ATRAID: variants seen among roughly 807,000 people sequenced by gnomAD.
ATRAID encodes the protein all-trans retinoic acid-induced differentiation factor.
Under a neutral mutation model 28.8 loss-of-function variants are expected in ATRAID, and 26 were observed. That is an observed-to-expected ratio of 0.90 (90% CI 0.66 to 1.25). The LOEUF is 1.25. ATRAID is among the 50% of genes most tolerant of loss of function. The pLI is 0.00. For synonymous variants in ATRAID, 131 were observed against 108.5 expected (o/e 1.21, Z -1.29); for missense variants, 308 against 285.9 (o/e 1.08, Z -0.56).
intron 6 of ATRAID, 28 bp downstream of exon 6, chr2:27,216,648 A>C (rs1235369532): frequency 6.3e-7 from 1 of 1,578,726 alleles, no homozygotes; most frequent in Non-Finnish European, 8.7e-7. Flanking sequence ...CTAACTAGGG[A>C]TACAAGGAAT....
intron 1 of ATRAID, 119 bp downstream of exon 1, chr2:27,212,586 C>T (rs1026448265): frequency 6.9e-7 from 1 of 1,455,116 alleles, no homozygotes; most frequent in African/African-American, 1.5e-5. Flanking sequence ...GTCCCTGACG[C>T]TTCCCGACCC....
chr2:27,212,382 A>T lies in ATRAID; in HGVS notation c.14A>T (p.Asp5Val), dbSNP rs1275533. MAPH[D>V]PGSLTTLVPW... The stretch of plus-strand genomic sequence containing the variant: ...AGGGAACGGAAAATGGCGCCTCACG[A>T]CCCGGGTAGTCTTACGACCCTGGTG... Residue 5 changes from aspartate to valine, a missense_variant, in exon 1 of 7, where the codon GAC becomes GTC. Asp to Val is a radical substitution (Grantham distance 152). Transcript: ENST00000380171. 1.3e-6 allele frequency: 2 copies of T among 1,550,494 alleles called. No individual in the cohort carries two copies. Among genetic ancestry groups the T allele is most frequent in the South Asian group, 1.2e-5 (1 of 84,036 alleles).
intron 5 of ATRAID, 124 bp downstream of exon 5, chr2:27,215,877 T>C (rs898665589): frequency 1.5e-6 from 2 of 1,303,142 alleles, no homozygotes; most frequent in Non-Finnish European, 2.1e-6. Context: ...ATAACCCCTT[T>C]GAAAGAAAAG....
chr2:27,216,800 C>T (rs1319788433), intron 6 of ATRAID, 44 bp from the exon 7 acceptor site: 1 of 1,543,044 alleles, frequency 6.5e-7, no homozygotes, highest in Non-Finnish European at 9.0e-7. Context: ...TGTGGCCCTC[C>T]GTGTAACGTT....
downstream of ATRAID, chr2:27,217,171 C>T: frequency 1.9e-6 from 1 of 526,590 alleles, no homozygotes; most frequent in Non-Finnish European, 3.3e-6. Context: ...TCCTCTCTTT[C>T]TTTTTAAGGA....
At chr2:27,216,766 T>C (rs1558522800) in intron 6 of ATRAID, 78 bp from the exon 7 acceptor site, 4 of 1,453,822 alleles carry the variant, frequency 2.8e-6, no homozygotes, top group Admixed American at 3.5e-5. Flanking sequence ...GATAGGTATA[T>C]TAGGAAAGAA....
At position 27,215,357 on chromosome 2, in the gene ATRAID, T is replaced by C; in HGVS notation, c.258T>C (p.Gly86=). The change falls in exon 3 of 7, where the codon GGT becomes GGC. Residue 86 remains glycine, a synonymous_variant. Transcript: ENST00000380171. The part of the protein sequence containing the change: ...DLQNCSLEDP[G]PNFHQAHTTV... The stretch of plus-strand genomic sequence containing the variant: ...AGAACTGTTCTCTGGAGGACCCTGG[T>C]CCAAACTTTCATCAGGCACATACCA... The C allele has an allele frequency of 1.2e-6, 2 of 1,614,190 alleles. No homozygotes were observed. Among genetic ancestry groups the C allele is most frequent in the Non-Finnish European group, 1.7e-6 (2 of 1,180,032 alleles).
intron 2 of ATRAID, 116 bp downstream of exon 2, chr2:27,213,414 G>A (rs1197775588): frequency 7.6e-6 from 10 of 1,322,510 alleles, no homozygotes; most frequent in African/African-American, 3.0e-5. Flanking sequence ...TAATCATCAC[G>A]CAGATGTCTA....
rs7601452 is a variant in ATRAID at position 27,216,486 on chromosome 2, G to A, written c.488-37G>A. On this transcript the variant is annotated intron_variant, in intron 5 of 6. Transcript: ENST00000380171. ...ATTGAGAAATATGCCTAATGAAATGGATAAAGTGATGTTCTCTATTTCTCT... is the reference window on the plus strand; with the variant it reads ...ATTGAGAAATATGCCTAATGAAATGAATAAAGTGATGTTCTCTATTTCTCT... The A allele has an allele frequency of 0.026, 37,212 of 1,454,294 alleles. 2,868 individuals are homozygous for A. The African/African-American group carries it at 0.27, about 11-fold the overall frequency. The allele number at this position is 1,454,294 out of a possible 1,614,324, so 90.1% of individuals were successfully genotyped here. A position where few individuals can be genotyped will look rare whatever the true frequency, so the allele number is the denominator to read the frequency against.
chr2:27,212,244 C>G lies in ATRAID; in HGVS notation c.-125C>G. 6.4e-7 allele frequency: 1 copy of G among 1,560,940 alleles called. No individual in the cohort carries two copies. Among genetic ancestry groups the G allele is most frequent in the Non-Finnish European group, 8.7e-7 (1 of 1,153,090 alleles). ...GAGCTCCACGAGCAGGAAAAGCCCC[C>G]AAGCAGCCCCAGGGCGACTGGACCG... On this transcript the variant is annotated 5_prime_UTR_variant, in exon 1 of 7. Coordinates refer to ENST00000380171, the MANE Select transcript of ATRAID (RefSeq NM_001170795.4).
In ATRAID at chr2:27,216,887, C is replaced by G; in HGVS notation, c.629C>G (p.Thr210Ser). The G allele has an allele frequency of 6.2e-7, 1 of 1,614,196 alleles. No individual in the cohort carries two copies. The highest frequency in any genetic ancestry group is 8.5e-7 in the Non-Finnish European group (1 of 1,180,030). The stretch of plus-strand genomic sequence containing the variant: ...ATGTTCTTCGGGATTCTGGGAGCCA[C>G]CACTCTATCCGTCTCCATTCTGCTT... Reference protein sequence around the residue: ...LLMFFGILGATTLSVSILLWA... With the variant: ...LLMFFGILGASTLSVSILLWA... Residue 210 changes from threonine (T) to serine (S), a missense_variant, in exon 7 of 7, where the codon ACC becomes AGC. Physicochemically the swap from Thr to Ser is moderately conservative, Grantham distance 58. Coordinates refer to ENST00000380171, the MANE Select transcript of ATRAID (RefSeq NM_001170795.4).
chr2:27,212,170 G>A lies in ATRAID; in HGVS notation c.-199G>A, dbSNP rs376975254. 87 of 1,536,640 alleles carry A rather than the reference G, an allele frequency of 5.7e-5. 1 individual carries two copies. In the African/African-American group the frequency reaches 1.0e-3, roughly 18 times the overall value. ...CACTAAAGGGGAAAAGGAAGAGGGGGTCGGCCAGTATCCCCGAAAGAGGGC... is the reference window on the plus strand; with the variant it reads ...CACTAAAGGGGAAAAGGAAGAGGGGATCGGCCAGTATCCCCGAAAGAGGGC... On this transcript the variant is annotated 5_prime_UTR_variant, in exon 1 of 7. Coordinates refer to ENST00000380171, the MANE Select transcript of ATRAID (RefSeq NM_001170795.4).
chr2:27,216,444 C>A, intron 5 of ATRAID, 79 bp from the exon 6 acceptor site: 2 of 1,117,468 alleles, frequency 1.8e-6, no homozygotes, highest in Non-Finnish European at 2.7e-6. Flanking sequence ...TTGAGAGAAT[C>A]TAAGTTGAAA....
In ATRAID at chr2:27,216,469, A is replaced by G. The variant is rs1572414276; in HGVS notation, c.488-54A>G. On this transcript the variant is annotated intron_variant, in intron 5 of 6. Transcript: ENST00000380171. ...CTAAGTTGAAACAGATAATTGAGAA[A>G]TATGCCTAATGAAATGGATAAAGTG... 9 of 1,325,286 alleles carry G rather than the reference A, an allele frequency of 6.8e-6. No individual in the cohort carries two copies. In the East Asian group the frequency reaches 1.8e-4, roughly 27 times the overall value. The allele number at this position is 1,325,286 out of a possible 1,614,324, so 82.1% of individuals were successfully genotyped here.
In ATRAID at chr2:27,215,366, T is replaced by C. The variant is rs1480198311; in HGVS notation, c.267T>C (p.Phe89=). The C allele has an allele frequency of 6.2e-7, 1 of 1,614,064 alleles. No homozygotes were observed. Among genetic ancestry groups the C allele is most frequent in the African/African-American group, 1.3e-5 (1 of 74,924 alleles). Residue 89 remains phenylalanine, a synonymous_variant, in exon 3 of 7, where the codon TTT becomes TTC. Transcript: ENST00000380171. ...CTCTGGAGGACCCTGGTCCAAACTT[T>C]CATCAGGCACATACCACTGTCATCA... is the stretch of plus-strand genomic sequence containing the variant. ...NCSLEDPGPN[F]HQAHTTVIID...
chr2:27,217,161 TC>T, downstream of ATRAID: 2 of 531,668 alleles, frequency 3.8e-6, no homozygotes, highest in Non-Finnish European at 6.5e-6. Context: ...TCTTTTTTTT[TC>T]CTCTCTTTCT....
Position 27,217,107 on chromosome 2 carries a change from A to G in ATRAID, c.*159A>G. The G allele has an allele frequency of 1.7e-6, 1 of 595,284 alleles. No homozygotes were observed. Among genetic ancestry groups the G allele is most frequent in the Non-Finnish European group, 2.9e-6 (1 of 343,540 alleles). The allele number at this position is 595,284 out of a possible 1,614,324, so 36.9% of individuals were successfully genotyped here. A position where few individuals can be genotyped will look rare whatever the true frequency, so the allele number is the denominator to read the frequency against. On this transcript the variant is annotated 3_prime_UTR_variant, in exon 7 of 7. Transcript: ENST00000380171. ...AATTGCACTCCCTTGGTGTAGACAA[A>G]TACCAGTTCCCATTGGTGTTGTTGC...
chr2:27,215,793 T>C, intron 5 of ATRAID, 40 bp downstream of exon 5: 1 of 1,605,442 alleles, frequency 6.2e-7, no homozygotes, highest in South Asian at 1.1e-5. Flanking sequence ...AATTGTCTTT[T>C]CTCCCTTGTA....
chr2:27,213,253 T>G lies in ATRAID; in HGVS notation c.176T>G (p.Met59Arg), dbSNP rs779983796. 6.2e-7 allele frequency: 1 copy of G among 1,614,238 alleles called. No individual in the cohort carries two copies. Among genetic ancestry groups the G allele is most frequent in the South Asian group, 1.1e-5 (1 of 91,082 alleles). ...AFYCKTTREL[M>R]LHARCCLNQK... ...TATTGTAAAACGACACGAGAGCTAA[T>G]GCTGCATGCCCGTTGCTGCCTGAAT... The change falls in exon 2 of 7, where the codon ATG becomes AGG. Residue 59 changes from methionine to arginine, a missense_variant. By Grantham distance (91) the Met-to-Arg change is moderately conservative (BLOSUM62 -1). Coordinates refer to ENST00000380171, the MANE Select transcript of ATRAID (RefSeq NM_001170795.4).
Sources: allele counts gnomAD v4.1 joint callset, GRCh38; gene constraint gnomAD v4.1.1; transcripts MANE v1.5; gene names NCBI Gene and HGNC (gene_info 2026-07-23, HGNC 2026-07-21).